The following PSPH variants were observed in gnomAD, a reference collection of about 807,000 sequenced individuals.
PSPH encodes L-3-phosphoserine phosphatase.
PSPH carries 16 observed loss-of-function variants against 23.4 expected under a neutral mutation model. The observed-to-expected ratio is 0.68, with a 90% CI of 0.46 to 1.04. The LOEUF (loss-of-function observed/expected upper bound fraction) is 1.04. Among genes scored for constraint, PSPH ranks in the 50% least tolerant of loss-of-function variants. The pLI is 0.00. For synonymous variants in PSPH, 68 were observed against 99.7 expected (o/e 0.68, Z 1.89); for missense variants, 223 against 273.7 (o/e 0.81, Z 1.31).
At chr7:56,027,295 C>G (rs1216142100) in intron 3 of PSPH, among the ~76,000 whole-genome samples, 4 of 152,016 alleles carry the variant, frequency 2.6e-5, no homozygotes, top group Non-Finnish European at 4.4e-5. Context: ...CTGATGGACA[C>G]CAGAATCTCA....
chr7:56,025,908 T>G (rs1790125024), intron 3 of PSPH, among the ~76,000 whole-genome samples: 1 of 152,154 alleles, frequency 6.6e-6, no homozygotes, highest in Admixed American at 6.6e-5. Context: ...GTCATGTGTT[T>G]TTTTATTCCT....
At chr7:56,012,836 C>T (rs919334676) in intron 7 of PSPH, among the ~76,000 whole-genome samples, 2 of 148,598 alleles carry the variant, frequency 1.3e-5, no homozygotes, top group Non-Finnish European at 3.0e-5. Context: ...CTCAGGTGAT[C>T]CACCTGCCTC....
At chr7:56,022,033 C>G (rs1274659610) in intron 3 of PSPH, among the ~76,000 whole-genome samples, 1 of 147,708 alleles carries the variant, frequency 6.8e-6, no homozygotes, top group Non-Finnish European at 1.5e-5. Flanking sequence ...ATCTATGAAA[C>G]AGGGCTTCAG....
intron 3 of PSPH, among the ~76,000 whole-genome samples, chr7:56,029,492 T>TAA (rs59890123): frequency 0.03 from 2,315 of 76,784 alleles, 51 homozygotes; most frequent in African/African-American, 0.041. Context: ...ACCAACTGAT[T>TAA]AAAAAAAAAA....
At chr7:56,013,780 T>C (rs1455445028) in intron 7 of PSPH, among the ~76,000 whole-genome samples, 2 of 151,918 alleles carry the variant, frequency 1.3e-5, no homozygotes, top group African/African-American at 2.4e-5. Flanking sequence ...TCTGATATGT[T>C]ACAGGTAAAT....
At chr7:56,015,296 T>C (rs1584380353) in intron 6 of PSPH, 125 bp from the exon 7 acceptor site, 1 of 1,046,560 alleles carries the variant, frequency 9.6e-7, no homozygotes, top group Non-Finnish European at 1.5e-6. Flanking sequence ...GTCGGTAAAG[T>C]CACACAGCCT....
chr7:56,013,084 C>CAT (rs754517304), intron 7 of PSPH, among the ~76,000 whole-genome samples: 1 of 121,584 alleles, frequency 8.2e-6, no homozygotes, highest in Non-Finnish European at 1.8e-5. Flanking sequence ...TATTTATATA[C>CAT]ACACATATAT....
chr7:56,014,661 C>T (rs1788346569), intron 7 of PSPH, among the ~76,000 whole-genome samples: 1 of 151,778 alleles, frequency 6.6e-6, no homozygotes, highest in East Asian at 1.9e-4. Flanking sequence ...AACAAAAGTA[C>T]GGCCGGGCAC....
At chr7:56,025,594 C>CT (rs376105674) in intron 3 of PSPH, among the ~76,000 whole-genome samples, 234 of 142,082 alleles carry the variant, frequency 1.6e-3, no homozygotes, top group African/African-American at 4.6e-3. Context: ...ATACTAAGGA[C>CT]TTTTTTTTTT....
chr7:56,046,798 C>CAAAA (rs532617669), intron 1 of PSPH, among the ~76,000 whole-genome samples: 2 of 68,214 alleles, frequency 2.9e-5, no homozygotes, highest in Non-Finnish European at 5.7e-5. Flanking sequence ...GACTCCACCT[C>CAAAA]AAAAAAAAAA....
chr7:56,042,118 GA>G (rs1042182387), intron 1 of PSPH, among the ~76,000 whole-genome samples: 15 of 151,448 alleles, frequency 9.9e-5, no homozygotes, highest in South Asian at 8.3e-4. Flanking sequence ...AGCTACTTGG[GA>G]GGCTGAAGCA....
At chr7:56,027,699 A>G (rs1790398946) in intron 3 of PSPH, among the ~76,000 whole-genome samples, 1 of 150,984 alleles carries the variant, frequency 6.6e-6, no homozygotes, top group African/African-American at 2.4e-5. Flanking sequence ...AAAAAAAAAA[A>G]AAAAAGGCCA....
At chr7:56,020,349 G>A (rs764072106) in intron 4 of PSPH, among the ~76,000 whole-genome samples, 11 of 151,850 alleles carry the variant, frequency 7.2e-5, no homozygotes, top group Non-Finnish European at 1.3e-4. Context: ...AATAGTGTCC[G>A]GGTGCAGCAG....
chr7:56,027,211 C>CA (rs11322718), intron 3 of PSPH, among the ~76,000 whole-genome samples: 1,666 of 115,422 alleles, frequency 0.014, 7 homozygotes, highest in African/African-American at 0.024. Context: ...GTCTCAAAAA[C>CA]AAAAAAAAAA....
chr7:56,025,414 A>T (rs1186764792), intron 3 of PSPH, among the ~76,000 whole-genome samples: 1 of 151,508 alleles, frequency 6.6e-6, no homozygotes, highest in East Asian at 2.0e-4. Context: ...CAGGCATGAT[A>T]TCTGGCTAAT....
chr7:56,019,512 C>T, intron 5 of PSPH, 88 bp downstream of exon 5: 1 of 1,509,118 alleles, frequency 6.6e-7, no homozygotes, highest in Non-Finnish European at 9.1e-7. Context: ...ACCCAGAGGG[C>T]ACTCTAAAGG....
intron 3 of PSPH, among the ~76,000 whole-genome samples, chr7:56,021,949 CAAA>C (rs753210160): frequency 2.4e-5 from 1 of 41,838 alleles, no homozygotes. Context: ...GACTCCGTCT[CAAA>C]AAAAAAAAAA....
In PSPH at chr7:56,017,289, C is replaced by T; in HGVS notation, c.366G>A (p.Lys122=). 6.2e-7 allele frequency: 1 copy of T among 1,613,898 alleles called. No homozygotes were observed. The highest frequency in any genetic ancestry group is 8.5e-7 in the Non-Finnish European group (1 of 1,179,852). ...ATACATTGGTTGCTGGGATATTGAGCTTTGAAGCAACATGCTCTACAATAC... is the reference window on the plus strand; with the variant it reads ...ATACATTGGTTGCTGGGATATTGAGTTTTGAAGCAACATGCTCTACAATAC... The part of the protein sequence containing the change: ...FRSIVEHVAS[K]LNIPATNVFA... The change falls in exon 6 of 8, where the codon AAG becomes AAA. Residue 122 remains lysine, a synonymous_variant. Coordinates refer to ENST00000275605, the MANE Select transcript of PSPH (RefSeq NM_004577.4).
intron 6 of PSPH, 85 bp downstream of exon 6, chr7:56,017,149 T>C: frequency 6.3e-7 from 1 of 1,579,716 alleles, no homozygotes; most frequent in Non-Finnish European, 8.6e-7. Context: ...GATGTGACTG[T>C]TCAAGTTGCA....
Sources: gnomAD v4.1 joint callset for allele counts (sites outside exome capture counted in the v4.1 genomes callset) on GRCh38, gnomAD v4.1.1 for gene constraint, MANE v1.5 for transcripts, NCBI Gene and HGNC (gene_info 2026-07-23, HGNC 2026-07-21) for gene names.